Variants in SMG1 observed in about 807,000 individuals in gnomAD.
SMG1 encodes the protein SMG1 nonsense mediated mRNA decay associated PI3K related kinase, also known as serine/threonine-protein kinase SMG1.
Under a neutral mutation model 419.9 loss-of-function variants are expected in SMG1, and 22 were observed. That is an observed-to-expected ratio of 0.05 (90% CI 0.04 to 0.07). The LOEUF is 0.07. Among genes scored for constraint, SMG1 ranks in the 10% least tolerant of loss-of-function variants. SMG1 has a pLI of 1.00. For synonymous variants in SMG1, 1,538 were observed against 1,553.5 expected, an observed-to-expected ratio of 0.99 and a Z score of 0.23; for missense variants, 3,185 against 4,342.0, an observed-to-expected ratio of 0.73 and a Z score of 7.49.
At chr16:18,849,681 G>C (rs1403291096) in intron 35 of SMG1, among the ~76,000 whole-genome samples, 1 of 152,074 alleles carries the variant, frequency 6.6e-6, no homozygotes, top group Admixed American at 6.5e-5. Context: ...TTTTTACAGA[G>C]GGTATATAAA....
chr16:18,910,510 G>A (rs2037751245), intron 1 of SMG1, among the ~76,000 whole-genome samples: 1 of 151,296 alleles, frequency 6.6e-6, no homozygotes, highest in Non-Finnish European at 1.5e-5. Flanking sequence ...GATTACAGGT[G>A]TAAGCCACCA....
chr16:18,868,468 T>C (rs1229730015), intron 21 of SMG1, 55 bp downstream of exon 21: 9 of 1,468,456 alleles, frequency 6.1e-6, no homozygotes, highest in South Asian at 5.8e-5. Context: ...CTGCACATAC[T>C]GCCAGCTGTG....
rs149403055 is a variant in SMG1, at chr16:18,811,685, G to A, written c.10908+76C>T. 307 of 1,221,950 alleles carry A rather than the reference G, an allele frequency of 2.5e-4. 1 individual carries two copies. The African/African-American group carries it at 3.7e-3, about 15-fold the overall frequency. The allele number at this position is 1,221,950 out of a possible 1,614,324, so 75.7% of individuals were successfully genotyped here. A position where few individuals can be genotyped will look rare whatever the true frequency, so the allele number is the denominator to read the frequency against. Reference sequence around the variant, plus strand: ...TCCTTGATGAACTATTAAGGAAATCGATGAGAGGGATCTTTATACACCTCT... The same window carrying A: ...TCCTTGATGAACTATTAAGGAAATCAATGAGAGGGATCTTTATACACCTCT... On this transcript the variant is annotated intron_variant, in intron 62 of 62. Transcript: ENST00000446231.
chr16:18,834,095 T>C (rs1044001115), intron 50 of SMG1, 109 bp downstream of exon 50: 5 of 758,690 alleles, frequency 6.6e-6, no homozygotes, highest in Admixed American at 2.7e-5. Flanking sequence ...AAATGACTGG[T>C]TGAGCAACAT....
chr16:18,886,296 T>C (rs2036608485), intron 6 of SMG1, among the ~76,000 whole-genome samples: 1 of 152,196 alleles, frequency 6.6e-6, no homozygotes, highest in Non-Finnish European at 1.5e-5. Flanking sequence ...AGAAGATCAG[T>C]ATGGGACCAC....
At chr16:18,855,856 T>C (rs2141430436) in intron 29 of SMG1, among the ~76,000 whole-genome samples, 1 of 152,328 alleles carries the variant, frequency 6.6e-6, no homozygotes, top group Admixed American at 6.5e-5. Context: ...CTTCCCTGCT[T>C]AAAAGCCTCT....
At chr16:18,815,889 G>A (rs893839373) in intron 58 of SMG1, 13 of 509,510 alleles carry the variant, frequency 2.6e-5, no homozygotes, top group Non-Finnish European at 3.8e-5. Context: ...GCCTTTTCTG[G>A]AGGCTTAGTT....
chr16:18,847,210 G>A (rs1414463364), intron 38 of SMG1, among the ~76,000 whole-genome samples: 3 of 152,094 alleles, frequency 2.0e-5, no homozygotes, highest in Non-Finnish European at 4.4e-5. Context: ...TAGAATAGAG[G>A]TGGCCAGGAA....
chr16:18,886,038 C>A (rs2036598648), intron 6 of SMG1, among the ~76,000 whole-genome samples: 1 of 152,168 alleles, frequency 6.6e-6, no homozygotes, highest in South Asian at 2.1e-4. Flanking sequence ...GTTTTCTCTT[C>A]TTCAATGTTT....
At chr16:18,809,697 G>A in intron 62 of SMG1, 51 bp from the exon 63 acceptor site, 3 of 1,410,672 alleles carry the variant, frequency 2.1e-6, no homozygotes. Context: ...CTTTTCAATT[G>A]TCTGCTGAAT....
At chr16:18,850,858 A>G (rs563292955) in intron 33 of SMG1, among the ~76,000 whole-genome samples, 2 of 152,186 alleles carry the variant, frequency 1.3e-5, no homozygotes, top group South Asian at 4.1e-4. Context: ...GGTTCAAGCA[A>G]TTCTCATGCC....
At chr16:18,810,491 T>C (rs1167291895) in intron 62 of SMG1, among the ~76,000 whole-genome samples, 2 of 152,210 alleles carry the variant, frequency 1.3e-5, no homozygotes, top group East Asian at 1.9e-4. Flanking sequence ...TGACTCACAG[T>C]GGATCTGAAT....
chr16:18,888,998 G>A (rs1174449629), intron 6 of SMG1, among the ~76,000 whole-genome samples: 1 of 151,174 alleles, frequency 6.6e-6, no homozygotes, highest in Non-Finnish European at 1.5e-5. Flanking sequence ...AATTTTTTTT[G>A]TATTTTTAGT....
At chr16:18,897,775 T>C (rs2037191784) in intron 1 of SMG1, among the ~76,000 whole-genome samples, 1 of 152,144 alleles carries the variant, frequency 6.6e-6, no homozygotes, top group African/African-American at 2.4e-5. Flanking sequence ...TCATGAGTGT[T>C]ACTCTTTCAG....
At chr16:18,885,751 A>G in intron 6 of SMG1, 85 bp from the exon 7 acceptor site, 1 of 1,282,866 alleles carries the variant, frequency 7.8e-7, no homozygotes, top group Non-Finnish European at 1.1e-6. Flanking sequence ...TACTGACTAC[A>G]TAAAAAACTG....
chr16:18,902,848 T>C (rs566330322), intron 1 of SMG1, among the ~76,000 whole-genome samples: 4 of 152,192 alleles, frequency 2.6e-5, no homozygotes, highest in African/African-American at 4.8e-5. Context: ...AAAAAAGTTG[T>C]TTGTTTGTTT....
At chr16:18,910,571 C>T (rs1269976642) in intron 1 of SMG1, among the ~76,000 whole-genome samples, 1 of 151,884 alleles carries the variant, frequency 6.6e-6, no homozygotes, top group East Asian at 1.9e-4. Flanking sequence ...CACTATGTTA[C>T]CCAGGCTGGT....
rs114520268 is a variant in SMG1 at position 18,834,014 on chromosome 16, T to C, written c.8565+190A>G. On this transcript the variant is annotated intron_variant, in intron 50 of 62. Transcript: ENST00000446231. ...TTGACTATTACAAATAAAGCTGCTA[T>C]AAAAATTCAAAAAAACAAAGAGCAA... is the stretch of plus-strand genomic sequence containing the variant. Among the ~76,000 whole-genome samples, 535 of 152,232 alleles carry C rather than the reference T, an allele frequency of 3.5e-3. 2 individuals carry two copies. The highest frequency in any genetic ancestry group is 0.011 in the African/African-American group (453 of 41,528).
At chr16:18,911,833 G>GA (rs1276650440) in intron 1 of SMG1, 3 of 152,000 alleles carry the variant, frequency 2.0e-5, no homozygotes, top group Non-Finnish European at 4.4e-5. Flanking sequence ...TGTAATCCCA[G>GA]AACTTTGGGA....
Sources: allele counts gnomAD v4.1 joint callset (sites outside exome capture counted in the v4.1 genomes callset), GRCh38; gene constraint gnomAD v4.1.1; transcripts MANE v1.5; gene names NCBI Gene and HGNC (gene_info 2026-07-23, HGNC 2026-07-21).